Variants in TCN2 observed in about 807,000 individuals in gnomAD.
TCN2 encodes the protein transcobalamin-2.
In TCN2, 34 loss-of-function variants were observed where a neutral mutation model predicts 48.6. The observed-to-expected ratio is 0.70, with a 90% confidence interval of 0.53 to 0.93. TCN2 has a LOEUF of 0.93. TCN2 is among the 40% of genes least tolerant of loss of function. The probability of loss-of-function intolerance (pLI) is 0.00; values close to 1 mark genes in which losing one functional copy is unlikely to be tolerated. For synonymous variants in TCN2, 283 were observed against 212.5 expected (o/e 1.33, Z -2.89); for missense variants, 652 against 526.1 (o/e 1.24, Z -2.34).
At chr22:30,613,857 A>G (rs1213980638) in intron 3 of TCN2, among the ~76,000 whole-genome samples, 1 of 151,974 alleles carries the variant, frequency 6.6e-6, no homozygotes, top group Admixed American at 6.6e-5. Flanking sequence ...TCTGCCTCCC[A>G]CACACCTGCC....
rs116605132 is a variant in TCN2, at chr22:30,610,895, T to G, written c.89T>G (p.Leu30Arg). Reference protein sequence around the residue: ...MCEIPEMDSHLVEKLGQHLLP... With the variant: ...MCEIPEMDSHRVEKLGQHLLP... Reference sequence around the variant, plus strand: ...GAAATACCAGAGATGGACAGCCATCTGGTAGAGAAGTTGGGCCAGCACCTC... The same window carrying G: ...GAAATACCAGAGATGGACAGCCATCGGGTAGAGAAGTTGGGCCAGCACCTC... The change falls in exon 2 of 9, where the codon CTG becomes CGG. Residue 30 changes from leucine (L) to arginine (R), a missense_variant. Leu to Arg is a moderately radical substitution (Grantham distance 102, BLOSUM62 -2). Transcript: ENST00000215838. The G allele has an allele frequency of 6.6e-4, 1,067 of 1,614,246 alleles. 12 individuals are homozygous for G. The African/African-American group carries it at 0.013, about 19-fold the overall frequency.
At chr22:30,616,544 T>C (rs977788890) in intron 6 of TCN2, among the ~76,000 whole-genome samples, 2 of 149,924 alleles carry the variant, frequency 1.3e-5, no homozygotes, top group African/African-American at 4.9e-5. Context: ...CTCGTGCTTA[T>C]AATCCTAGCA....
chr22:30,615,633 A>G lies in TCN2; in HGVS notation c.786A>G (p.Glu262=), dbSNP rs1193835796. ...FLMTSPMRGA[E]LGTACLKARV... The stretch of plus-strand genomic sequence containing the variant: ...TGACTTCCCCCATGCGTGGGGCAGA[A>G]CTGGGAACAGCATGTCTCAAGGCGA... Residue 262 remains glutamate, a synonymous_variant, in exon 6 of 9, where the codon GAA becomes GAG. Coordinates refer to ENST00000215838, the MANE Select transcript of TCN2 (RefSeq NM_000355.4). 6.2e-7 allele frequency: 1 copy of G among 1,614,112 alleles called. No individual in the cohort carries two copies. The highest frequency in any genetic ancestry group is 1.3e-5 in the African/African-American group (1 of 75,030).
intron 8 of TCN2, among the ~76,000 whole-genome samples, chr22:30,624,043 TACACACACACAC>T (rs1198211935): frequency 4.3e-3 from 124 of 28,512 alleles, no homozygotes; most frequent in Non-Finnish European, 5.5e-3. Flanking sequence ...TATACATATA[TACACACACACAC>T]ACACACATAT....
intron 6 of TCN2, 143 bp downstream of exon 6, chr22:30,615,930 T>C: frequency 1.0e-6 from 1 of 954,586 alleles, no homozygotes; most frequent in Non-Finnish European, 1.7e-6. Flanking sequence ...AGCCAAAATG[T>C]GGTCATAGCT....
Position 30,613,017 on chromosome 22 carries a change from C to G in TCN2, c.402C>G (p.Phe134Leu), listed in dbSNP as rs781606712. 1 of 1,614,102 alleles carries G rather than the reference C, an allele frequency of 6.2e-7. No homozygotes were observed. Among genetic ancestry groups the G allele is most frequent in the South Asian group, 1.1e-5 (1 of 91,084 alleles). ...GDRLVSQLKWFLEDEKRAIGH... is the reference protein window; with the variant it reads ...GDRLVSQLKWLLEDEKRAIGH... ...GGCTGGTCTCACAGCTCAAATGGTTCCTGGAGGATGAGAAGAGAGCCATTG... is the reference window on the plus strand; with the variant it reads ...GGCTGGTCTCACAGCTCAAATGGTTGCTGGAGGATGAGAAGAGAGCCATTG... The change falls in exon 3 of 9, where the codon TTC becomes TTG. Residue 134 changes from phenylalanine to leucine, a missense_variant. Transcript: ENST00000215838.
At chr22:30,616,004 T>A (rs2087608294) in intron 6 of TCN2, among the ~76,000 whole-genome samples, 1 of 151,424 alleles carries the variant, frequency 6.6e-6, no homozygotes, top group Non-Finnish European at 1.5e-5. Flanking sequence ...ATCGCTTGTG[T>A]GATACCCAGT....
chr22:30,626,665 A>T lies in TCN2; in HGVS notation c.*144A>T, dbSNP rs1441440590. 9 of 899,776 alleles carry T rather than the reference A, an allele frequency of 1.0e-5. No individual in the cohort carries two copies. The East Asian group carries it at 2.4e-4, about 24-fold the overall frequency. The allele number at this position is 899,776 out of a possible 1,614,324, so 55.7% of individuals were successfully genotyped here. A position where few individuals can be genotyped will look rare whatever the true frequency, so the allele number is the denominator to read the frequency against. On this transcript the variant is annotated 3_prime_UTR_variant, in exon 9 of 9. Transcript: ENST00000215838. ...AATGCCCCCTGGGATCACCCCAGCCACAAGCCCTTCGAGGGCCCTATACCA... is the reference window on the plus strand; with the variant it reads ...AATGCCCCCTGGGATCACCCCAGCCTCAAGCCCTTCGAGGGCCCTATACCA...
At position 30,614,953 on chromosome 22, in the gene TCN2, A is replaced by G. The variant is rs530802061; in HGVS notation, c.581-348A>G. 1.8e-4 allele frequency among the ~76,000 whole-genome samples: 28 copies of G among 152,200 alleles called. 1 individual carries two copies. In the South Asian group the frequency reaches 4.8e-3, roughly 26 times the overall value. ...AAATAAAACTCCCCTAGTGATTCCAATGTGCAGCTAAGTTTGGAAATAGGT... is the reference window on the plus strand; with the variant it reads ...AAATAAAACTCCCCTAGTGATTCCAGTGTGCAGCTAAGTTTGGAAATAGGT... On this transcript the variant is annotated intron_variant, in intron 4 of 8. Coordinates refer to ENST00000215838, the MANE Select transcript of TCN2 (RefSeq NM_000355.4).
At position 30,622,986 on chromosome 22, in the gene TCN2, C is replaced by CT. The variant is rs747615809; in HGVS notation, c.1127dup (p.Leu376PhefsTer36). 4 of 1,614,104 alleles carry CT rather than the reference C, an allele frequency of 2.5e-6. No homozygotes were observed. In the South Asian group the frequency reaches 4.4e-5, roughly 18 times the overall value. ...TCTGTAGATATGAAACACAGGCCTC[C>CT]TTGTCAGGCCCCTACTTAACCTCCG... is the stretch of plus-strand genomic sequence containing the variant. On this transcript the variant is annotated frameshift_variant, in exon 8 of 9. Transcript: ENST00000215838. LOFTEE classifies it high-confidence loss of function.
At chr22:30,621,480 T>A (rs8140674) in intron 7 of TCN2, among the ~76,000 whole-genome samples, 10,080 of 151,854 alleles carry the variant, frequency 0.066, 1,188 homozygotes, top group African/African-American at 0.23. Context: ...GTTTTTTGTT[T>A]GTTTGCTTGG....
Position 30,615,613 on chromosome 22 carries a change from T to C in TCN2, c.766T>C (p.Ser256Pro), listed in dbSNP as rs752978666. The C allele has an allele frequency of 6.2e-7, 1 of 1,614,014 alleles. No homozygotes were observed. Among genetic ancestry groups the C allele is most frequent in the African/African-American group, 1.3e-5 (1 of 75,000 alleles). Residue 256 changes from serine to proline, a missense_variant, in exon 6 of 9, where the codon TCC (serine) becomes CCC (proline). Physicochemically the swap from Ser to Pro is moderately conservative, Grantham distance 74. Coordinates refer to ENST00000215838, the MANE Select transcript of TCN2 (RefSeq NM_000355.4). ...ACTCTATCACCAGTTCCTCATGACT[T>C]CCCCCATGCGTGGGGCAGAACTGGG... is the stretch of plus-strand genomic sequence containing the variant. The part of the protein sequence containing the change: ...TPLALQFLMT[S>P]PMRGAELGTA...
At chr22:30,613,740 A>G (rs1377428071) in intron 3 of TCN2, among the ~76,000 whole-genome samples, 2 of 152,162 alleles carry the variant, frequency 1.3e-5, no homozygotes, top group African/African-American at 4.8e-5. Flanking sequence ...CCTTTTCAAT[A>G]TAAACCTGAT....
chr22:30,617,452 G>A lies in TCN2; in HGVS notation c.1063G>A (p.Val355Met), dbSNP rs780429477. 53 of 1,614,006 alleles carry A rather than the reference G, an allele frequency of 3.3e-5. No homozygotes were observed. The highest frequency in any genetic ancestry group is 3.3e-4 in the Middle Eastern group (2 of 6,084). The change falls in exon 7 of 9, where the codon GTG becomes ATG. Residue 355 changes from valine (V) to methionine (M), a missense_variant. Coordinates refer to ENST00000215838, the MANE Select transcript of TCN2 (RefSeq NM_000355.4). ...QSISVLAGST[V>M]EDVLKKAHEL... ...CATCTCTGTTCTGGCCGGGTCCACC[G>A]TGGAAGATGTCCTGAAGAAGGCCCA...
In TCN2 at chr22:30,626,578, TC is replaced by T; in HGVS notation, c.*59del. 6.3e-7 allele frequency: 1 copy of T among 1,593,580 alleles called. No homozygotes were observed. The highest frequency in any genetic ancestry group is 8.6e-7 in the Non-Finnish European group (1 of 1,163,374). On this transcript the variant is annotated 3_prime_UTR_variant, in exon 9 of 9. Transcript: ENST00000215838. Reference sequence around the variant, plus strand: ...ACACTCCCTAGGCTTCTACCCTCCCTCCTGATGTCCCTGGAACAGGAACTCG... The same window carrying T: ...ACACTCCCTAGGCTTCTACCCTCCCTCTGATGTCCCTGGAACAGGAACTCG...
At position 30,623,833 on chromosome 22, in the gene TCN2, T is replaced by C. The variant is rs868358337; in HGVS notation, c.1222+750T>C. Among the ~76,000 whole-genome samples, 4 of 56,946 alleles carry C rather than the reference T, an allele frequency of 7.0e-5. 2 individuals carry two copies. Among genetic ancestry groups the C allele is most frequent in the African/African-American group, 3.8e-4 (2 of 5,206 alleles). 37.4% of individuals were successfully genotyped at this position (56,946 alleles called of 152,430 possible). ...ATATATACACACACATACACACACA[T>C]ATACACACACATACATACACATACA... On this transcript the variant is annotated intron_variant, in intron 8 of 8. Transcript: ENST00000215838.
chr22:30,618,254 T>A (rs2087643548), intron 7 of TCN2, among the ~76,000 whole-genome samples: 1 of 130,954 alleles, frequency 7.6e-6, no homozygotes, highest in Non-Finnish European at 1.6e-5. Context: ...TCAGCCAGAA[T>A]AATAACTGGT....
At chr22:30,615,222 G>A (rs2087594165) in intron 4 of TCN2, 79 bp from the exon 5 acceptor site, 3 of 1,511,278 alleles carry the variant, frequency 2.0e-6, no homozygotes, top group Non-Finnish European at 2.8e-6. Flanking sequence ...ATAGCTACAA[G>A]GGCCTGACCC....
intron 8 of TCN2, among the ~76,000 whole-genome samples, chr22:30,625,923 G>A (rs1280281606): frequency 6.6e-6 from 1 of 152,138 alleles, no homozygotes; most frequent in Non-Finnish European, 1.5e-5. Context: ...CACCTCCATT[G>A]AAAGGAAACA....
Sources: allele counts gnomAD v4.1 joint callset (sites outside exome capture counted in the v4.1 genomes callset), GRCh38; gene constraint gnomAD v4.1.1; transcripts MANE v1.5; gene names NCBI Gene and HGNC (gene_info 2026-07-23, HGNC 2026-07-21).